Variants in NNMT observed in about 807,000 individuals in gnomAD.
NNMT encodes nicotinamide N-methyltransferase.
A neutral mutation model predicts 11.7 loss-of-function variants in NNMT; 10 were observed. The ratio of observed to expected loss-of-function variants is 0.85; its 90% CI spans 0.53 to 1.45. The LOEUF is 1.45. Ranked by LOEUF, NNMT falls within the 40% of genes most tolerant of loss-of-function variation. The pLI is 0.00. For synonymous variants in NNMT, 143 were observed against 133.8 expected, an observed-to-expected ratio of 1.07 and a Z score of -0.48; for missense variants, 381 against 319.4, an observed-to-expected ratio of 1.19 and a Z score of -1.47.
At chr11:114,261,221 C>T (rs1945077798) in intron 1 of NNMT, among the ~76,000 whole-genome samples, 1 of 152,210 alleles carries the variant, frequency 6.6e-6, no homozygotes, top group South Asian at 2.1e-4. Context: ...ACCTAGTGGG[C>T]ACTGACTGCA....
chr11:114,301,313 G>A (rs759999547), intron 2 of NNMT, among the ~76,000 whole-genome samples: 3 of 152,138 alleles, frequency 2.0e-5, no homozygotes, highest in Non-Finnish European at 4.4e-5. Flanking sequence ...ACAAAAAGCT[G>A]CACACAGATG....
intron 2 of NNMT, 191 bp downstream of exon 2, chr11:114,298,349 T>C: frequency 1.7e-6 from 1 of 580,232 alleles, no homozygotes; most frequent in African/African-American, 1.9e-5. Flanking sequence ...CACGTGCATG[T>C]GTGCACCAGA....
chr11:114,299,407 T>C (rs1945415925), intron 2 of NNMT, among the ~76,000 whole-genome samples: 1 of 152,218 alleles, frequency 6.6e-6, no homozygotes, highest in South Asian at 2.1e-4. Context: ...GTGAATTACA[T>C]TGGAAAATTT....
chr11:114,291,937 C>T (rs1945338363), upstream of NNMT, among the ~76,000 whole-genome samples: 1 of 152,120 alleles, frequency 6.6e-6, no homozygotes, highest in South Asian at 2.1e-4. Context: ...CAGTATTTAT[C>T]ATCAGTTCTG....
intron 1 of NNMT, among the ~76,000 whole-genome samples, chr11:114,262,110 C>T (rs532878774): frequency 1.0e-3 from 153 of 152,264 alleles, no homozygotes; most frequent in African/African-American, 3.5e-3. Context: ...CTGAACCTTC[C>T]GAAAGCCTAG....
chr11:114,292,307 C>A (rs114931383), upstream of NNMT, among the ~76,000 whole-genome samples: 1,520 of 152,238 alleles, frequency 1.0e-2, 27 homozygotes, highest in African/African-American at 0.034. Context: ...ATTACTGGAA[C>A]CTGATATGTC....
At chr11:114,258,569 T>C (rs995588552) in intron 1 of NNMT, among the ~76,000 whole-genome samples, 1 of 152,250 alleles carries the variant, frequency 6.6e-6, no homozygotes, top group Non-Finnish European at 1.5e-5. Context: ...CTCAGTGCCC[T>C]GCTTCAGCCC....
At position 114,312,365 on chromosome 11, in the gene NNMT, C is replaced by T. The variant is rs567700301; in HGVS notation, c.683C>T (p.Ala228Val). The T allele has an allele frequency of 6.2e-7, 1 of 1,614,242 alleles. No homozygotes were observed. Among genetic ancestry groups the T allele is most frequent in the Admixed American group, 1.7e-5 (1 of 60,032 alleles). The change falls in exon 3 of 3, where the codon GCT (alanine) becomes GTT (valine). Residue 228 changes from alanine to valine, a missense_variant. Coordinates refer to ENST00000299964, the MANE Select transcript of NNMT (RefSeq NM_006169.3). ...GCAGTAGAGGCTGCTGTGAAAGAGG[C>T]TGGCTACACAATCGAATGGTTTGAG... ...REAVEAAVKE[A>V]GYTIEWFEVI...
At position 114,313,500 on chromosome 11, in the gene NNMT, T is replaced by C. The variant is rs1350900223; in HGVS notation, c.*1023T>C. On this transcript the variant is annotated 3_prime_UTR_variant, in exon 3 of 3. Coordinates refer to ENST00000299964, the MANE Select transcript of NNMT (RefSeq NM_006169.3). ...AAAAAGTAAAATAATAAATAAATAATAAATAAAATAAAATAAAGTGAATTG... is the reference window on the plus strand; with the variant it reads ...AAAAAGTAAAATAATAAATAAATAACAAATAAAATAAAATAAAGTGAATTG... Among the ~76,000 whole-genome samples, 1 of 151,970 alleles carries C rather than the reference T, an allele frequency of 6.6e-6. No individual in the cohort carries two copies. Among genetic ancestry groups the C allele is most frequent in the East Asian group, 1.9e-4 (1 of 5,202 alleles).
intron 2 of NNMT, among the ~76,000 whole-genome samples, chr11:114,306,854 A>C (rs1485773898): frequency 6.6e-6 from 1 of 152,168 alleles, no homozygotes; most frequent in Non-Finnish European, 1.5e-5. Context: ...TCTCTGAGGT[A>C]AATGCTCTCT....
chr11:114,276,506 A>G (rs1945214646), intron 2 of NNMT, among the ~76,000 whole-genome samples: 1 of 152,206 alleles, frequency 6.6e-6, no homozygotes, highest in South Asian at 2.1e-4. Context: ...TAGAAACCTT[A>G]CCAGCAAATG....
intron 2 of NNMT, among the ~76,000 whole-genome samples, chr11:114,280,885 G>T (rs1370233527): frequency 6.6e-6 from 1 of 152,162 alleles, no homozygotes; most frequent in Non-Finnish European, 1.5e-5. Flanking sequence ...CCGGCAGCCT[G>T]CACTCCTGTT....
At chr11:114,302,810 C>T (rs1945450708) in intron 2 of NNMT, among the ~76,000 whole-genome samples, 2 of 152,094 alleles carry the variant, frequency 1.3e-5, no homozygotes, top group African/African-American at 4.8e-5. Context: ...TTTGAAAGGT[C>T]ATTAGGTCAT....
At position 114,302,572 on chromosome 11, in the gene NNMT, T is replaced by A. The variant is rs71486259; in HGVS notation, c.362+4414T>A. On this transcript the variant is annotated intron_variant, in intron 2 of 2. Coordinates refer to ENST00000299964, the MANE Select transcript of NNMT (RefSeq NM_006169.3). ...GTAGTGATTTTATTTATTTTTATTGTCTTATTTTTAATTTTGATTTTTAAA... is the reference window on the plus strand; with the variant it reads ...GTAGTGATTTTATTTATTTTTATTGACTTATTTTTAATTTTGATTTTTAAA... Among the ~76,000 whole-genome samples, 763 of 152,324 alleles carry A rather than the reference T, an allele frequency of 5.0e-3. 4 individuals are homozygous for A. Among genetic ancestry groups the A allele is most frequent in the African/African-American group, 0.018 (738 of 41,578 alleles).
intron 2 of NNMT, among the ~76,000 whole-genome samples, chr11:114,278,094 G>C (rs1253557644): frequency 2.0e-5 from 3 of 152,202 alleles, no homozygotes; most frequent in African/African-American, 7.2e-5. Flanking sequence ...ATAAAGAAAA[G>C]AGCTTTATTT....
chr11:114,289,816 C>A (rs530644182), intron 2 of NNMT, among the ~76,000 whole-genome samples: 153 of 152,218 alleles, frequency 1.0e-3, no homozygotes, highest in African/African-American at 3.3e-3. Flanking sequence ...GTGTCTTAGA[C>A]CATTTGGGAT....
Position 114,308,334 on chromosome 11 carries a change from G to T in NNMT, c.363-3711G>T, listed in dbSNP as rs1945511195. 3.3e-5 allele frequency among the ~76,000 whole-genome samples: 5 copies of T among 152,222 alleles called. No individual in the cohort carries two copies. The South Asian group carries it at 1.0e-3, about 32-fold the overall frequency. On this transcript the variant is annotated intron_variant, in intron 2 of 2. Transcript: ENST00000299964. ...AGCCTGCAGGAACTTCTGAGGATGG[G>T]GCTTTGGGGATGTGAGGACAATGAA...
chr11:114,309,054 G>C (rs1380492470), intron 2 of NNMT, among the ~76,000 whole-genome samples: 1 of 152,068 alleles, frequency 6.6e-6, no homozygotes, highest in Admixed American at 6.5e-5. Flanking sequence ...GCTTCTGTTG[G>C]AATCAAACAC....
chr11:114,264,835 T>C (rs1196385903), intron 2 of NNMT, among the ~76,000 whole-genome samples: 9 of 152,234 alleles, frequency 5.9e-5, no homozygotes, highest in Admixed American at 5.9e-4. Flanking sequence ...AAGGATACAG[T>C]TGAAGAGATG....
Sources: gnomAD v4.1 joint callset for allele counts (sites outside exome capture counted in the v4.1 genomes callset) on GRCh38, gnomAD v4.1.1 for gene constraint, MANE v1.5 for transcripts, NCBI Gene and HGNC (gene_info 2026-07-23, HGNC 2026-07-21) for gene names.